Variants in SKA3 observed in about 807,000 individuals in gnomAD.
SKA3 encodes spindle and kinetochore-associated protein 3.
SKA3 carries 39 observed loss-of-function variants against 44.2 expected under a neutral mutation model. The ratio of observed to expected loss-of-function variants is 0.88; its 90% confidence interval spans 0.68 to 1.15. SKA3 has a LOEUF of 1.15. Among genes scored for constraint, SKA3 ranks in the 50% most tolerant of loss-of-function variants. SKA3 has a pLI of 0.00. For missense variants in SKA3, 511 were observed against 485.8 expected (o/e 1.05, Z -0.49); for synonymous variants, 192 against 172.0 (o/e 1.12, Z -0.91).
rs757405535 is a variant in SKA3, at chr13:21,155,088, G to A, written c.*62C>T. 6.2e-7 allele frequency: 1 copy of A among 1,607,538 alleles called. No homozygotes were observed. Among genetic ancestry groups the A allele is most frequent in the Non-Finnish European group, 8.5e-7 (1 of 1,176,132 alleles). On this transcript the variant is annotated 3_prime_UTR_variant, in exon 9 of 9. Transcript: ENST00000314759. ...GCAGGGCAATGTGAATGTTAAAATC[G>A]GTCCAGCTCGGCTTTCATCTCATTT...
chr13:21,165,816 T>C (rs2137370631), intron 4 of SKA3, among the ~76,000 whole-genome samples: 1 of 152,032 alleles, frequency 6.6e-6, no homozygotes, highest in East Asian at 1.9e-4. Flanking sequence ...ATGCCTGCAG[T>C]CCCAGCTACT....
chr13:21,173,550 C>T (rs753215549), intron 1 of SKA3, among the ~76,000 whole-genome samples: 9 of 152,214 alleles, frequency 5.9e-5, no homozygotes, highest in Non-Finnish European at 1.3e-4. Context: ...AGCCACTGCA[C>T]CCAGCCACCT....
At chr13:21,155,432 G>C (rs1424720191) in intron 8 of SKA3, among the ~76,000 whole-genome samples, 2 of 148,480 alleles carry the variant, frequency 1.3e-5, no homozygotes, top group Non-Finnish European at 3.0e-5. Context: ...TTTTTAGATG[G>C]AGTCTCGCTC....
chr13:21,160,414 AACAAGAGAGACCCATGCATATATAG>A (rs376326438), intron 5 of SKA3, among the ~76,000 whole-genome samples: 124 of 151,644 alleles, frequency 8.2e-4, no homozygotes, highest in South Asian at 2.3e-3. Context: ...TAAAGATAAG[AACAAGAGAGACCCATGCATATATAG>A]ACAAGAGAGA....
intron 3 of SKA3, among the ~76,000 whole-genome samples, chr13:21,169,463 C>T (rs923349822): frequency 6.6e-6 from 1 of 151,462 alleles, no homozygotes; most frequent in African/African-American, 2.4e-5. Context: ...GGCCTCCCAG[C>T]GTGCTGGGAT....
chr13:21,154,408 TAGAG>T lies in SKA3; in HGVS notation c.*738_*741del, dbSNP rs746466153. 1 of 152,772 alleles carries T rather than the reference TAGAG, an allele frequency of 6.5e-6. No individual in the cohort carries two copies. 9.5% of individuals were successfully genotyped at this position (152,772 alleles called of 1,614,324 possible). On this transcript the variant is annotated 3_prime_UTR_variant, in exon 9 of 9. Coordinates refer to ENST00000314759, the MANE Select transcript of SKA3 (RefSeq NM_145061.6). ...CCCAGGATGAGCCCTCAGAACCTTT[TAGAG>T]AGAGTGAAATTCAGGGTCTACTGGG...
chr13:21,159,302 T>C (rs1183298380), intron 6 of SKA3, among the ~76,000 whole-genome samples: 1 of 152,242 alleles, frequency 6.6e-6, no homozygotes, highest in Non-Finnish European at 1.5e-5. Flanking sequence ...AGGTTTTGAT[T>C]TGATGAAATC....
intron 3 of SKA3, among the ~76,000 whole-genome samples, chr13:21,170,739 ATAT>A (rs1870992849): frequency 6.6e-6 from 1 of 152,096 alleles, no homozygotes; most frequent in Non-Finnish European, 1.5e-5. Flanking sequence ...CCATAGGGAG[ATAT>A]TATTATCCCC....
At chr13:21,161,567 G>A (rs546113616) in intron 5 of SKA3, among the ~76,000 whole-genome samples, 6 of 152,302 alleles carry the variant, frequency 3.9e-5, no homozygotes, top group African/African-American at 1.4e-4. Flanking sequence ...TTAATAACAA[G>A]CTGACAGATA....
Position 21,176,360 on chromosome 13 carries a change from G to T in SKA3, c.103+15C>A. On this transcript the variant is annotated intron_variant, in intron 1 of 8. Transcript: ENST00000314759. ...GCACCCCACGCACCGTGCCCTGGCC[G>T]CCCGCCTCACGCACCGCTTTCCTCT... 1 of 1,191,622 alleles carries T rather than the reference G, an allele frequency of 8.4e-7. No homozygotes were observed. The highest frequency in any genetic ancestry group is 1.1e-6 in the Non-Finnish European group (1 of 903,628). 73.8% of individuals were successfully genotyped at this position (1,191,622 alleles called of 1,614,324 possible).
At position 21,168,217 on chromosome 13, in the gene SKA3, G is replaced by T; in HGVS notation, c.514C>A (p.Leu172Ile). 6.2e-7 allele frequency: 1 copy of T among 1,614,166 alleles called. No homozygotes were observed. The highest frequency in any genetic ancestry group is 8.5e-7 in the Non-Finnish European group (1 of 1,180,028). Residue 172 changes from leucine (L) to isoleucine (I), a missense_variant, in exon 4 of 9, where the codon CTA becomes ATA. By Grantham distance (5) the Leu-to-Ile change is conservative. Transcript: ENST00000314759. The stretch of plus-strand genomic sequence containing the variant: ...TTCACTGCCTGTGGAGGGTTTGGTA[G>T]AACTTGGGATACGATGTACCGCTCA... ...GLERYIVSQV[L>I]PNPPQAVNNY...
intron 1 of SKA3, among the ~76,000 whole-genome samples, chr13:21,175,581 A>G (rs1311379219): frequency 6.6e-6 from 1 of 152,178 alleles, no homozygotes; most frequent in Non-Finnish European, 1.5e-5. Context: ...GGGCAGAAAT[A>G]GACATTTTCA....
At chr13:21,175,330 T>C (rs1344703028) in intron 1 of SKA3, among the ~76,000 whole-genome samples, 2 of 149,342 alleles carry the variant, frequency 1.3e-5, no homozygotes, top group African/African-American at 5.0e-5. Flanking sequence ...GAGGCTGGAG[T>C]GCAGTGGCGG....
chr13:21,165,054 CTA>C (rs1239902016), intron 4 of SKA3, among the ~76,000 whole-genome samples: 1 of 151,828 alleles, frequency 6.6e-6, no homozygotes, highest in Non-Finnish European at 1.5e-5. Context: ...AATAATTTAT[CTA>C]AATATTTATC....
At chr13:21,168,910 G>C (rs1487986508) in intron 3 of SKA3, among the ~76,000 whole-genome samples, 2 of 152,170 alleles carry the variant, frequency 1.3e-5, no homozygotes, top group African/African-American at 4.8e-5. Flanking sequence ...TTATACATTA[G>C]AGAAGGAAAG....
chr13:21,173,421 T>C (rs1188477351), intron 1 of SKA3, among the ~76,000 whole-genome samples: 1 of 152,142 alleles, frequency 6.6e-6, no homozygotes, highest in East Asian at 1.9e-4. Flanking sequence ...TACATCTGGC[T>C]AGTTTTATAT....
At position 21,168,021 on chromosome 13, in the gene SKA3, G is replaced by T. The variant is rs749795867; in HGVS notation, c.710C>A (p.Thr237Lys). The change falls in exon 4 of 9, where the codon ACA (threonine) becomes AAA (lysine). Residue 237 changes from threonine (T) to lysine (K), a missense_variant. Coordinates refer to ENST00000314759, the MANE Select transcript of SKA3 (RefSeq NM_145061.6). Reference protein sequence around the residue: ...EYTMCLNEDYTMGLKNARNNK... With the variant: ...EYTMCLNEDYKMGLKNARNNK... Reference sequence around the variant, plus strand: ...ATTCCTCGCATTTTTAAGTCCCATTGTGTAATCTTCATTTAAACACATAGT... The same window carrying T: ...ATTCCTCGCATTTTTAAGTCCCATTTTGTAATCTTCATTTAAACACATAGT... The T allele has an allele frequency of 1.0e-5, 16 of 1,601,004 alleles. No homozygotes were observed. The highest frequency in any genetic ancestry group is 1.4e-5 in the Non-Finnish European group (16 of 1,174,006).
At chr13:21,155,393 A>G (rs1267817030) in intron 8 of SKA3, among the ~76,000 whole-genome samples, 1 of 151,670 alleles carries the variant, frequency 6.6e-6, no homozygotes, top group Non-Finnish European at 1.5e-5. Flanking sequence ...AATTTTTACC[A>G]ATATTCAAAT....
In SKA3 at chr13:21,155,823, A is replaced by AAATT. The variant is rs768507032; in HGVS notation, c.1120-13_1120-12insAATT. ...TATTTTGATAAAAGCTAAAAAAAAA[A>AAATT]AAGGAAATTCCTTTTTATCGAGCCA... On this transcript the variant is annotated splice_polypyrimidine_tract_variant and intron_variant, in intron 7 of 8. Transcript: ENST00000314759. 2.9e-6 allele frequency: 3 copies of AAATT among 1,047,750 alleles called. No homozygotes were observed. Among genetic ancestry groups the AAATT allele is most frequent in the East Asian group, 7.7e-5 (2 of 25,826 alleles). The allele number at this position is 1,047,750 out of a possible 1,614,324, so 64.9% of individuals were successfully genotyped here. A position where few individuals can be genotyped will look rare whatever the true frequency, so the allele number is the denominator to read the frequency against.
Sources: allele counts gnomAD v4.1 joint callset (sites outside exome capture counted in the v4.1 genomes callset), GRCh38; gene constraint gnomAD v4.1.1; transcripts MANE v1.5; gene names NCBI Gene and HGNC (gene_info 2026-07-23, HGNC 2026-07-21).